Variants in PPFIBP1 observed in about 807,000 individuals in gnomAD.
The protein encoded by PPFIBP1 is PPFIB scaffold protein 1.
PPFIBP1 carries 112 observed loss-of-function variants against 137.8 expected under a neutral mutation model. The ratio of observed to expected loss-of-function variants is 0.81; its 90% CI spans 0.70 to 0.95. The LOEUF (loss-of-function observed/expected upper bound fraction) is 0.95. Ranked by LOEUF, PPFIBP1 falls within the 40% of genes least tolerant of loss-of-function variation. The probability of loss-of-function intolerance (pLI) is 0.00; values close to 1 mark genes in which losing one functional copy is unlikely to be tolerated. For missense variants in PPFIBP1, 1,083 were observed against 1,196.6 expected, an observed-to-expected ratio of 0.91 and a Z score of 1.40; for synonymous variants, 378 against 417.3, an observed-to-expected ratio of 0.91 and a Z score of 1.15.
intron 2 of PPFIBP1, among the ~76,000 whole-genome samples, chr12:27,578,509 C>A (rs4537801): frequency 0.77 from 117,208 of 151,774 alleles, 45,900 homozygotes; most frequent in Middle Eastern, 0.91. Context: ...AAGACACAGA[C>A]TTGGTAGAAC....
chr12:27,689,250 A>G lies in PPFIBP1; in HGVS notation c.2685+47A>G, dbSNP rs200246848. ...TTAATAATTGCTTGGCGCAAAGGCAACGTTTTGTCGGTTACCTGGTTATTC... is the reference window on the plus strand; with the variant it reads ...TTAATAATTGCTTGGCGCAAAGGCAGCGTTTTGTCGGTTACCTGGTTATTC... On this transcript the variant is annotated intron_variant, in intron 27 of 29. Transcript: ENST00000228425. 84 of 1,489,030 alleles carry G rather than the reference A, an allele frequency of 5.6e-5. No individual in the cohort carries two copies. The East Asian group carries it at 1.8e-3, about 32-fold the overall frequency. The allele number at this position is 1,489,030 out of a possible 1,614,324, so 92.2% of individuals were successfully genotyped here.
At chr12:27,562,493 T>G (rs904489258) in intron 1 of PPFIBP1, among the ~76,000 whole-genome samples, 12 of 152,248 alleles carry the variant, frequency 7.9e-5, no homozygotes, top group African/African-American at 2.9e-4. Flanking sequence ...AGCTACATAA[T>G]TTGTTAACCT....
chr12:27,571,604 G>T (rs948243374), intron 1 of PPFIBP1, among the ~76,000 whole-genome samples: 1 of 152,194 alleles, frequency 6.6e-6, no homozygotes, highest in Non-Finnish European at 1.5e-5. Context: ...AGTAATGATA[G>T]AATTCATAAT....
At chr12:27,608,152 C>A (rs1237009595) in intron 2 of PPFIBP1, among the ~76,000 whole-genome samples, 2 of 152,174 alleles carry the variant, frequency 1.3e-5, no homozygotes, top group African/African-American at 2.4e-5. Flanking sequence ...TAAGCTGTTA[C>A]ATATGTCATA....
intron 2 of PPFIBP1, among the ~76,000 whole-genome samples, chr12:27,620,502 A>G (rs112062917): frequency 0.011 from 1,625 of 152,266 alleles, 25 homozygotes; most frequent in African/African-American, 0.037. Flanking sequence ...GTTTTAATCA[A>G]TGTCACTTTA....
intron 9 of PPFIBP1, among the ~76,000 whole-genome samples, chr12:27,658,070 G>A (rs1185013061): frequency 2.0e-5 from 3 of 150,556 alleles, no homozygotes; most frequent in East Asian, 2.0e-4. Flanking sequence ...CCAGGAGTTC[G>A]AGGCTGTAGT....
chr12:27,595,724 C>T (rs1214639504), intron 2 of PPFIBP1, among the ~76,000 whole-genome samples: 1 of 151,656 alleles, frequency 6.6e-6, no homozygotes, highest in East Asian at 1.9e-4. Flanking sequence ...TGTGGTGGCC[C>T]ATGCCTGTAA....
chr12:27,632,925 C>A (rs1259054879), intron 2 of PPFIBP1, among the ~76,000 whole-genome samples: 1 of 152,102 alleles, frequency 6.6e-6, no homozygotes. Context: ...TTAGACAAAT[C>A]TTAAGCCCTT....
At chr12:27,603,986 G>T (rs1291072656) in intron 2 of PPFIBP1, among the ~76,000 whole-genome samples, 1 of 152,184 alleles carries the variant, frequency 6.6e-6, no homozygotes, top group Non-Finnish European at 1.5e-5. Context: ...ACAGATCAAA[G>T]AGCAGAGTTG....
At chr12:27,660,839 C>T in intron 10 of PPFIBP1, 45 bp from the exon 11 acceptor site, 1 of 1,593,734 alleles carries the variant, frequency 6.3e-7, no homozygotes, top group Non-Finnish European at 8.5e-7. Flanking sequence ...TTATCACTGT[C>T]ACACATGTGA....
At chr12:27,678,626 G>A (rs750344505) in intron 19 of PPFIBP1, among the ~76,000 whole-genome samples, 10 of 152,022 alleles carry the variant, frequency 6.6e-5, no homozygotes, top group East Asian at 5.8e-4. Context: ...TTGGGAGGCC[G>A]AGGTGGGTGG....
chr12:27,679,815 C>A, intron 20 of PPFIBP1, 118 bp from the exon 21 acceptor site: 1 of 1,407,810 alleles, frequency 7.1e-7, no homozygotes, highest in Non-Finnish European at 9.7e-7. Flanking sequence ...ATTTAAATGT[C>A]TATGTTAACA....
At position 27,692,984 on chromosome 12, in the gene PPFIBP1, G is replaced by T; in HGVS notation, c.*102G>T. 1 of 1,493,202 alleles carries T rather than the reference G, an allele frequency of 6.7e-7. No homozygotes were observed. The highest frequency in any genetic ancestry group is 1.3e-5 in the South Asian group (1 of 74,156). The allele number at this position is 1,493,202 out of a possible 1,614,324, so 92.5% of individuals were successfully genotyped here. On this transcript the variant is annotated 3_prime_UTR_variant, in exon 30 of 30. Transcript: ENST00000228425. Reference sequence around the variant, plus strand: ...ACAGGCAGCGGATTGTCTATTGTTTGTTGTTCCAACTTCTGCTGTCGAGAA... The same window carrying T: ...ACAGGCAGCGGATTGTCTATTGTTTTTTGTTCCAACTTCTGCTGTCGAGAA...
At chr12:27,584,823 C>G (rs7316571) in intron 2 of PPFIBP1, among the ~76,000 whole-genome samples, 1 of 152,122 alleles carries the variant, frequency 6.6e-6, no homozygotes, top group Non-Finnish European at 1.5e-5. Flanking sequence ...TCACGTATCC[C>G]CATGTCCTTG....
At chr12:27,554,310 G>A (rs189391559) in intron 1 of PPFIBP1, among the ~76,000 whole-genome samples, 200 of 152,280 alleles carry the variant, frequency 1.3e-3, no homozygotes, top group African/African-American at 4.6e-3. Context: ...TAAAACAATT[G>A]CTTTCTGAAA....
intron 1 of PPFIBP1, among the ~76,000 whole-genome samples, chr12:27,574,887 GTTGT>G (rs1430024899): frequency 6.6e-6 from 1 of 152,126 alleles, no homozygotes; most frequent in African/African-American, 2.4e-5. Context: ...GAACAGATTT[GTTGT>G]TTATTTACTA....
chr12:27,599,513 C>A (rs779227089), intron 2 of PPFIBP1: 2 of 455,968 alleles, frequency 4.4e-6, no homozygotes, highest in Non-Finnish European at 8.8e-6. Context: ...TCTCCTTTCT[C>A]TTTCTCTCCT....
intron 13 of PPFIBP1, 146 bp from the exon 14 acceptor site, chr12:27,671,285 T>C (rs180912036): frequency 8.3e-5 from 41 of 496,340 alleles, no homozygotes; most frequent in African/African-American, 7.5e-4. Flanking sequence ...TAGATGTTTA[T>C]ATTCTGAAAT....
intron 1 of PPFIBP1, among the ~76,000 whole-genome samples, chr12:27,532,132 G>A (rs1177535159): frequency 1.3e-5 from 2 of 152,186 alleles, no homozygotes; most frequent in Admixed American, 6.5e-5. Context: ...ATTTCATTAA[G>A]CACGTGTTAA....
Sources: gnomAD v4.1 joint callset for allele counts (sites outside exome capture counted in the v4.1 genomes callset) on GRCh38, gnomAD v4.1.1 for gene constraint, MANE v1.5 for transcripts, NCBI Gene and HGNC (gene_info 2026-07-23, HGNC 2026-07-21) for gene names.